Variants in NKAIN3 observed in about 807,000 individuals in gnomAD.
NKAIN3 encodes the protein sodium/potassium transporting ATPase interacting 3.
NKAIN3 carries 25 observed loss-of-function variants against 30.2 expected under a neutral mutation model. That is an observed-to-expected ratio of 0.83 (90% CI 0.60 to 1.16). The LOEUF (loss-of-function observed/expected upper bound fraction) is 1.16, where lower values mean the gene tolerates loss of function less well. Ranked by LOEUF, NKAIN3 falls within the 50% of genes most tolerant of loss-of-function variation. The pLI is 0.00. For missense variants in NKAIN3, 225 were observed against 254.1 expected, an observed-to-expected ratio of 0.89 and a Z score of 0.78; for synonymous variants, 91 against 89.6, an observed-to-expected ratio of 1.02 and a Z score of -0.09.
chr8:62,395,601 G>A lies in NKAIN3; in HGVS notation c.54+146474G>A, dbSNP rs553833370. Among the ~76,000 whole-genome samples, 4 of 152,182 alleles carry A rather than the reference G, an allele frequency of 2.6e-5. No individual in the cohort carries two copies. The South Asian group carries it at 8.3e-4, about 32-fold the overall frequency. ...TTTGTAGATGCTTATGTAAATTCTG[G>A]AACGTTGTTTTCAATTTTAATAAAG... On this transcript the variant is annotated intron_variant, in intron 1 of 6. Transcript: ENST00000623646.
At chr8:62,314,489 G>A (rs1400763160) in intron 1 of NKAIN3, among the ~76,000 whole-genome samples, 2 of 152,134 alleles carry the variant, frequency 1.3e-5, no homozygotes, top group Non-Finnish European at 2.9e-5. Context: ...TGATTCTAGT[G>A]TATTCCTTGT....
At chr8:62,628,203 T>C (rs1291892611) in intron 3 of NKAIN3, among the ~76,000 whole-genome samples, 1 of 152,060 alleles carries the variant, frequency 6.6e-6, no homozygotes, top group Non-Finnish European at 1.5e-5. Flanking sequence ...TTGGGAAACA[T>C]CACGTAAGGC....
intron 1 of NKAIN3, among the ~76,000 whole-genome samples, chr8:62,543,595 C>T (rs1445768540): frequency 6.6e-6 from 1 of 152,152 alleles, no homozygotes; most frequent in Non-Finnish European, 1.5e-5. Context: ...TCACATTGGC[C>T]TAGAGTGTAA....
intron 3 of NKAIN3, among the ~76,000 whole-genome samples, chr8:62,641,161 T>A (rs73264840): frequency 6.6e-6 from 1 of 152,148 alleles, no homozygotes; most frequent in Non-Finnish European, 1.5e-5. Flanking sequence ...TTTAACAAGA[T>A]GCTCAGATGA....
At chr8:62,262,289 C>T (rs1033947119) in intron 1 of NKAIN3, among the ~76,000 whole-genome samples, 1 of 152,062 alleles carries the variant, frequency 6.6e-6, no homozygotes, top group African/African-American at 2.4e-5. Flanking sequence ...CCAATTTATC[C>T]TGAAACAAAA....
intron 4 of NKAIN3, among the ~76,000 whole-genome samples, chr8:62,908,107 GT>G (rs2130846271): frequency 6.6e-6 from 1 of 152,332 alleles, no homozygotes; most frequent in South Asian, 2.1e-4. Context: ...CCTTGCATCA[GT>G]GTGACCCGGA....
At chr8:62,463,347 C>A (rs143593708) in intron 1 of NKAIN3, among the ~76,000 whole-genome samples, 1 of 152,278 alleles carries the variant, frequency 6.6e-6, no homozygotes, top group East Asian at 1.9e-4. Flanking sequence ...CTATTCAATT[C>A]ACCTTGGAAT....
chr8:62,825,019 G>A (rs1371086251), intron 4 of NKAIN3, among the ~76,000 whole-genome samples: 10 of 152,166 alleles, frequency 6.6e-5, no homozygotes, highest in Non-Finnish European at 1.3e-4. Flanking sequence ...GGGGAGTGGG[G>A]CAGGCAAGAA....
At chr8:62,605,047 A>T (rs1649332096) in intron 3 of NKAIN3, among the ~76,000 whole-genome samples, 1 of 152,120 alleles carries the variant, frequency 6.6e-6, no homozygotes, top group Non-Finnish European at 1.5e-5. Flanking sequence ...ATTGTGATAC[A>T]TGCAGAAGGA....
At chr8:62,906,006 C>T (rs1821761121) in intron 4 of NKAIN3, among the ~76,000 whole-genome samples, 2 of 152,176 alleles carry the variant, frequency 1.3e-5, no homozygotes, top group Admixed American at 1.3e-4. Flanking sequence ...ACTTCTTCCC[C>T]ATCTCACCCC....
intron 1 of NKAIN3, among the ~76,000 whole-genome samples, chr8:62,528,295 ATATAT>A (rs1305001291): frequency 8.5e-6 from 1 of 118,136 alleles, no homozygotes; most frequent in Non-Finnish European, 1.7e-5. Context: ...TGATATATAT[ATATAT>A]TATATTATAT....
chr8:62,937,699 G>GA (rs1488804471), intron 5 of NKAIN3, among the ~76,000 whole-genome samples: 1 of 151,992 alleles, frequency 6.6e-6, no homozygotes, highest in Non-Finnish European at 1.5e-5. Context: ...TGTAGTGGGG[G>GA]GGCAAAAGGG....
chr8:62,652,225 C>T (rs933181431), intron 3 of NKAIN3, among the ~76,000 whole-genome samples: 1 of 152,182 alleles, frequency 6.6e-6, no homozygotes, highest in Admixed American at 6.5e-5. Context: ...CAGACCACAG[C>T]AGTTTAAGAG....
chr8:62,257,894 A>G (rs1473322592), intron 1 of NKAIN3, among the ~76,000 whole-genome samples: 1 of 152,144 alleles, frequency 6.6e-6, no homozygotes, highest in African/African-American at 2.4e-5. Flanking sequence ...GGTTACTTAC[A>G]TATAGATTTT....
chr8:62,328,650 A>G lies in NKAIN3; in HGVS notation c.54+79523A>G, dbSNP rs181650397. Among the ~76,000 whole-genome samples, 387 of 152,284 alleles carry G rather than the reference A, an allele frequency of 2.5e-3. 1 individual carries two copies. The highest frequency in any genetic ancestry group is 8.8e-3 in the African/African-American group (366 of 41,572). On this transcript the variant is annotated intron_variant, in intron 1 of 6. Transcript: ENST00000623646. ...GATTATACATTTTTAGGAATCAAAT[A>G]TGTTAAAAGGATTAAAAAAGATATT... is the stretch of plus-strand genomic sequence containing the variant.
chr8:62,540,116 A>G (rs531484407), intron 1 of NKAIN3, among the ~76,000 whole-genome samples: 1 of 152,316 alleles, frequency 6.6e-6, no homozygotes, highest in Non-Finnish European at 1.5e-5. Context: ...CATATAAAAA[A>G]CATCATTTTC....
chr8:62,309,841 A>G (rs1814370268), intron 1 of NKAIN3, among the ~76,000 whole-genome samples: 1 of 150,494 alleles, frequency 6.6e-6, no homozygotes, highest in African/African-American at 2.5e-5. Flanking sequence ...TATATCTCCA[A>G]AAGTTCTAGG....
Position 62,572,181 on chromosome 8 carries a change from GA to G in NKAIN3, c.55-7355del, listed in dbSNP as rs1385632241. 1.3e-4 allele frequency among the ~76,000 whole-genome samples: 20 copies of G among 152,148 alleles called. 1 individual carries two copies. Among genetic ancestry groups the G allele is most frequent in the Admixed American group, 1.0e-3 (16 of 15,274 alleles). ...CACCTCTTGAATGCTTTGCTGCTTA[GA>G]AATTTCTTCCATCAGATACCCTAAA... On this transcript the variant is annotated intron_variant, in intron 1 of 6. Transcript: ENST00000623646.
At chr8:62,617,606 C>T (rs991260206) in intron 3 of NKAIN3, among the ~76,000 whole-genome samples, 1 of 152,102 alleles carries the variant, frequency 6.6e-6, no homozygotes, top group Non-Finnish European at 1.5e-5. Flanking sequence ...CAAAGAGTGC[C>T]CTTTCTCCTG....
Sources: gnomAD v4.1 joint callset for allele counts (sites outside exome capture counted in the v4.1 genomes callset) on GRCh38, gnomAD v4.1.1 for gene constraint, MANE v1.5 for transcripts, NCBI Gene and HGNC (gene_info 2026-07-23, HGNC 2026-07-21) for gene names.